Variants in IDE observed in about 807,000 individuals in gnomAD.
IDE encodes the protein insulin degrading enzyme, also known as insulin-degrading enzyme.
Under a neutral mutation model 133.2 loss-of-function variants are expected in IDE, and 58 were observed. The observed-to-expected ratio is 0.44, with a 90% CI of 0.35 to 0.54. The LOEUF (loss-of-function observed/expected upper bound fraction) is 0.54. Ranked by LOEUF, IDE falls within the 20% of genes least tolerant of loss-of-function variation. IDE has a pLI of 0.00. For synonymous variants in IDE, 396 were observed against 421.3 expected, an observed-to-expected ratio of 0.94 and a Z score of 0.73; for missense variants, 981 against 1,234.0, an observed-to-expected ratio of 0.79 and a Z score of 3.07.
chr10:92,551,871 C>T (rs972485546), intron 1 of IDE, among the ~76,000 whole-genome samples: 1 of 152,118 alleles, frequency 6.6e-6, no homozygotes, highest in Non-Finnish European at 1.5e-5. Context: ...TGCAGTGGCT[C>T]ATGCTTGTTA....
At chr10:92,500,143 C>T (rs1847927037) in intron 11 of IDE, among the ~76,000 whole-genome samples, 4 of 151,878 alleles carry the variant, frequency 2.6e-5, no homozygotes, top group African/African-American at 7.3e-5. Context: ...ATTAAAAATA[C>T]AAAATTAGCC....
At chr10:92,466,409 T>C (rs559510729) in intron 19 of IDE, among the ~76,000 whole-genome samples, 92 of 151,774 alleles carry the variant, frequency 6.1e-4, no homozygotes, top group Admixed American at 1.1e-3. Context: ...CTCCGCCTAC[T>C]GGGTTCAAGC....
chr10:92,496,790 A>C (rs1208023896), intron 11 of IDE, among the ~76,000 whole-genome samples: 1 of 152,218 alleles, frequency 6.6e-6, no homozygotes, highest in East Asian at 1.9e-4. Context: ...TGTCTCAAAA[A>C]ATATAAAAAT....
At chr10:92,566,162 T>C (rs1843535617) in intron 1 of IDE, among the ~76,000 whole-genome samples, 1 of 148,776 alleles carries the variant, frequency 6.7e-6, no homozygotes, top group African/African-American at 2.5e-5. Context: ...TTAAGACCAG[T>C]CTGGGCAACA....
chr10:92,513,552 C>T (rs1845508076), intron 5 of IDE, among the ~76,000 whole-genome samples: 1 of 151,722 alleles, frequency 6.6e-6, no homozygotes, highest in Admixed American at 6.6e-5. Flanking sequence ...TTAATAAATC[C>T]CAAAATGGGA....
intron 1 of IDE, among the ~76,000 whole-genome samples, chr10:92,566,526 A>G (rs1008043798): frequency 4.6e-5 from 7 of 152,096 alleles, no homozygotes; most frequent in Admixed American, 3.3e-4. Flanking sequence ...CAGACATCAC[A>G]TGTTCTTACT....
intron 4 of IDE, among the ~76,000 whole-genome samples, chr10:92,524,430 A>AT (rs1269078617): frequency 1.6e-5 from 1 of 64,260 alleles, no homozygotes; most frequent in Non-Finnish European, 2.8e-5. Flanking sequence ...TATATAATAT[A>AT]TTTTATATAA....
chr10:92,464,432 T>A (rs1460117758), intron 20 of IDE, among the ~76,000 whole-genome samples: 4 of 152,210 alleles, frequency 2.6e-5, no homozygotes, highest in African/African-American at 9.6e-5. Context: ...TATTTCTTGT[T>A]AGATAATCCA....
chr10:92,475,562 T>C (rs1826046152), intron 16 of IDE, among the ~76,000 whole-genome samples: 1 of 152,170 alleles, frequency 6.6e-6, no homozygotes. Context: ...CGTGTTCTTC[T>C]GAACTAGAGG....
intron 1 of IDE, among the ~76,000 whole-genome samples, chr10:92,570,081 T>C (rs1363912514): frequency 6.6e-6 from 1 of 151,516 alleles, no homozygotes; most frequent in East Asian, 1.9e-4. Context: ...CTCTCCAGCC[T>C]GGGCAACAGA....
At chr10:92,535,468 C>T (rs76841989) in intron 2 of IDE, among the ~76,000 whole-genome samples, 1,469 of 124,054 alleles carry the variant, frequency 0.012, 15 homozygotes, top group South Asian at 0.02. Context: ...TAACAGCATG[C>T]GTTTGGGGGT....
intron 19 of IDE, 26 bp from the exon 20 acceptor site, chr10:92,465,869 CA>C: frequency 6.2e-7 from 1 of 1,611,378 alleles, no homozygotes; most frequent in African/African-American, 1.3e-5. Context: ...AAGACAGCAG[CA>C]AGTTCAAAAA....
intron 12 of IDE, among the ~76,000 whole-genome samples, chr10:92,488,192 C>A (rs983156358): frequency 2.0e-5 from 3 of 152,082 alleles, no homozygotes; most frequent in African/African-American, 7.3e-5. Context: ...GCATCCTCTA[C>A]CTCCCAGGTT....
At chr10:92,561,198 G>T (rs1206563938) in intron 1 of IDE, among the ~76,000 whole-genome samples, 1 of 152,018 alleles carries the variant, frequency 6.6e-6, no homozygotes, top group Non-Finnish European at 1.5e-5. Flanking sequence ...GGAGGTTGCA[G>T]TAAGCCGAGA....
At chr10:92,458,170 A>G (rs1295184072) in intron 22 of IDE, among the ~76,000 whole-genome samples, 1 of 152,160 alleles carries the variant, frequency 6.6e-6, no homozygotes, top group African/African-American at 2.4e-5. Flanking sequence ...CAAACTATTA[A>G]TATGTTCTAA....
chr10:92,459,826 T>C (rs1845267285), intron 22 of IDE, among the ~76,000 whole-genome samples: 2 of 94,850 alleles, frequency 2.1e-5, no homozygotes, highest in African/African-American at 3.8e-5. Flanking sequence ...GTGAACCTCT[T>C]TTTTTTTTTT....
At chr10:92,523,806 C>T (rs1242100070) in intron 4 of IDE, among the ~76,000 whole-genome samples, 3 of 151,802 alleles carry the variant, frequency 2.0e-5, no homozygotes, top group Non-Finnish European at 4.4e-5. Flanking sequence ...TGAAGGAGTA[C>T]CTGTTTTGTT....
Position 92,543,438 on chromosome 10 carries a change from C to T in IDE, c.99-5888G>A, listed in dbSNP as rs190168065. Among the ~76,000 whole-genome samples, 3 of 152,308 alleles carry T rather than the reference C, an allele frequency of 2.0e-5. No homozygotes were observed. The East Asian group carries it at 5.8e-4, about 29-fold the overall frequency. On this transcript the variant is annotated intron_variant, in intron 1 of 24. Coordinates refer to ENST00000265986, the MANE Select transcript of IDE (RefSeq NM_004969.4). ...AATAACAACATGTCTTAGGGAACCACCTACCCAAAGCTCTTCAGTTATAGG... is the reference window on the plus strand; with the variant it reads ...AATAACAACATGTCTTAGGGAACCATCTACCCAAAGCTCTTCAGTTATAGG...
At chr10:92,558,930 A>T (rs969441141) in intron 1 of IDE, 3 of 127,034 alleles carry the variant, frequency 2.4e-5, no homozygotes, top group East Asian at 4.2e-4. Flanking sequence ...CAACTTTAAT[A>T]AAAAAAAAAA....
Sources: allele counts gnomAD v4.1 joint callset (sites outside exome capture counted in the v4.1 genomes callset), GRCh38; gene constraint gnomAD v4.1.1; transcripts MANE v1.5; gene names NCBI Gene and HGNC (gene_info 2026-07-23, HGNC 2026-07-21).